KRT23: variants seen among roughly 807,000 people sequenced by gnomAD.
KRT23 encodes keratin, type I cytoskeletal 23.
In KRT23, 38 loss-of-function variants were observed where a neutral mutation model predicts 47.6. The observed-to-expected ratio is 0.80, with a 90% CI of 0.62 to 1.05. The LOEUF (loss-of-function observed/expected upper bound fraction) is 1.05, where lower values mean the gene tolerates loss of function less well. Ranked by LOEUF, KRT23 falls within the 50% of genes least tolerant of loss-of-function variation. The pLI is 0.00. For missense variants in KRT23, 503 were observed against 529.5 expected (o/e 0.95, Z 0.49); for synonymous variants, 191 against 199.0 (o/e 0.96, Z 0.34).
At chr17:40,928,203 G>T in intron 6 of KRT23, 35 bp downstream of exon 6, 1 of 1,613,106 alleles carries the variant, frequency 6.2e-7, no homozygotes, top group Non-Finnish European at 8.5e-7. Flanking sequence ...GAAGGAGGTG[G>T]TGTGGGATTC....
rs66994824 is a variant in KRT23, at chr17:40,937,039, C to A, written c.-350-86G>T. 56,700 of 157,210 alleles carry A rather than the reference C, an allele frequency of 0.36. 10,271 individuals are homozygous for A. Among genetic ancestry groups the A allele is most frequent in the East Asian group, 0.47 (2,601 of 5,548 alleles). 9.7% of individuals were successfully genotyped at this position (157,210 alleles called of 1,614,324 possible). A position where few individuals can be genotyped will look rare whatever the true frequency, so the allele number is the denominator to read the frequency against. On this transcript the variant is annotated intron_variant, in intron 1 of 8. Transcript: ENST00000209718. ...CCTTAAAAAAAACCAAAAACCAAAA[C>A]CAAAACAAAACAACAACAACAGCAA...
At chr17:40,931,165 C>T (rs1406082026) in intron 3 of KRT23, among the ~76,000 whole-genome samples, 4 of 152,026 alleles carry the variant, frequency 2.6e-5, no homozygotes, top group Non-Finnish European at 5.9e-5. Flanking sequence ...GCGTGTGCCA[C>T]CATGCCCAGC....
rs1340525552 is a variant in KRT23 at position 40,924,521 on chromosome 17, G to A, written c.1143-18C>T. The A allele has an allele frequency of 6.2e-7, 1 of 1,608,718 alleles. No homozygotes were observed. Among genetic ancestry groups the A allele is most frequent in the African/African-American group, 1.3e-5 (1 of 74,920 alleles). On this transcript the variant is annotated intron_variant, in intron 7 of 8. Coordinates refer to ENST00000209718, the MANE Select transcript of KRT23 (RefSeq NM_015515.5). ...CCCGTGTCCTATAAAAGTGATAAAGGTTAAAGCTCACTTTAGTATTAGCAA... is the reference window on the plus strand; with the variant it reads ...CCCGTGTCCTATAAAAGTGATAAAGATTAAAGCTCACTTTAGTATTAGCAA...
At chr17:40,928,418 T>G (rs1340977561) in intron 5 of KRT23, 28 bp downstream of exon 5, 1 of 1,614,020 alleles carries the variant, frequency 6.2e-7, no homozygotes, top group Non-Finnish European at 8.5e-7. Flanking sequence ...AATGCAACCT[T>G]TGGGAAGTTT....
At chr17:40,935,013 C>T (rs1909957362) in intron 2 of KRT23, among the ~76,000 whole-genome samples, 1 of 151,652 alleles carries the variant, frequency 6.6e-6, no homozygotes, top group South Asian at 2.1e-4. Context: ...CATGGTCTCC[C>T]TTTGCTCTCC....
chr17:40,931,252 C>T (rs1204195421), intron 3 of KRT23, 121 bp downstream of exon 3: 24 of 674,174 alleles, frequency 3.6e-5, no homozygotes, highest in Middle Eastern at 2.6e-4. Context: ...CCTCGTGATC[C>T]GCCCGCCTTG....
chr17:40,925,270 CT>C, intron 7 of KRT23, 83 bp downstream of exon 7: 1 of 1,186,594 alleles, frequency 8.4e-7, no homozygotes, highest in Non-Finnish European at 1.3e-6. Flanking sequence ...GTGACTCTTG[CT>C]AACAGAACCC....
At chr17:40,923,186 C>A (rs1037571174) in intron 8 of KRT23, 103 bp from the exon 9 acceptor site, 5 of 822,784 alleles carry the variant, frequency 6.1e-6, no homozygotes, top group Non-Finnish European at 1.0e-5. Flanking sequence ...GCTCTCAGTG[C>A]CTTCCAAATG....
chr17:40,931,718 G>A (rs1009828943), intron 2 of KRT23, among the ~76,000 whole-genome samples: 8 of 152,144 alleles, frequency 5.3e-5, no homozygotes, highest in African/African-American at 1.9e-4. Flanking sequence ...AGTTTTGACA[G>A]GCTTGGATTG....
At chr17:40,935,507 G>T (rs1373593557) in intron 2 of KRT23, among the ~76,000 whole-genome samples, 2 of 151,974 alleles carry the variant, frequency 1.3e-5, no homozygotes, top group African/African-American at 2.4e-5. Context: ...GGTTTTTTTT[G>T]AACAAGGTCT....
rs754517007 is a variant in KRT23, at chr17:40,925,322, G to A, written c.1142+32C>T. 14 of 1,569,720 alleles carry A rather than the reference G, an allele frequency of 8.9e-6. No homozygotes were observed. The East Asian group carries it at 1.1e-4, about 13-fold the overall frequency. ...TACCCACAGGAGCTGGAGGTCCCTC[G>A]CATGCTCCTCTCGTGCCAGCCTTTG... On this transcript the variant is annotated intron_variant, in intron 7 of 8. Coordinates refer to ENST00000209718, the MANE Select transcript of KRT23 (RefSeq NM_015515.5).
At chr17:40,934,138 G>A (rs1909885953) in intron 2 of KRT23, among the ~76,000 whole-genome samples, 1 of 152,112 alleles carries the variant, frequency 6.6e-6, no homozygotes, top group African/African-American at 2.4e-5. Context: ...TGAGGGTACG[G>A]GAGAACTGTA....
At chr17:40,928,947 A>G (rs1909432084) in intron 4 of KRT23, among the ~76,000 whole-genome samples, 1 of 148,176 alleles carries the variant, frequency 6.7e-6, no homozygotes, top group Non-Finnish European at 1.5e-5. Context: ...GAATCGCTTG[A>G]ACCTGCGAGG....
intron 6 of KRT23, among the ~76,000 whole-genome samples, chr17:40,926,989 G>A (rs1174069376): frequency 6.6e-6 from 1 of 151,716 alleles, no homozygotes. Flanking sequence ...AGACACACTT[G>A]TGCCTTGTCG....
chr17:40,930,322 A>T (rs1177834466), intron 3 of KRT23, among the ~76,000 whole-genome samples: 1 of 152,206 alleles, frequency 6.6e-6, no homozygotes, highest in Non-Finnish European at 1.5e-5. Flanking sequence ...ATAAACAGTC[A>T]TATACCCATT....
intron 4 of KRT23, 111 bp downstream of exon 4, chr17:40,929,829 G>A (rs1909520243): frequency 2.3e-6 from 2 of 876,122 alleles, no homozygotes; most frequent in Admixed American, 2.4e-5. Flanking sequence ...TTAGGGTGAA[G>A]GACAAGGGGA....
chr17:40,928,134 G>C (rs1909346617), intron 6 of KRT23, 104 bp downstream of exon 6: 1 of 1,401,198 alleles, frequency 7.1e-7, no homozygotes, highest in Non-Finnish European at 9.9e-7. Flanking sequence ...TGGAAAGTGA[G>C]AGTTGTCCCA....
At chr17:40,930,952 C>T (rs1401670926) in intron 3 of KRT23, among the ~76,000 whole-genome samples, 1 of 148,880 alleles carries the variant, frequency 6.7e-6, no homozygotes, top group East Asian at 2.0e-4. Flanking sequence ...AGTGCATTTG[C>T]CGTTGCTATG....
In KRT23 at chr17:40,931,362, A is replaced by T; in HGVS notation, c.479+11T>A. On this transcript the variant is annotated intron_variant, in intron 3 of 8. Transcript: ENST00000209718. Reference sequence around the variant, plus strand: ...CAAAAACCCGAACAACCCTGTGAAGAAGGAACTTACTTGAGGTTGAAGTCA... The same window carrying T: ...CAAAAACCCGAACAACCCTGTGAAGTAGGAACTTACTTGAGGTTGAAGTCA... 1 of 1,596,224 alleles carries T rather than the reference A, an allele frequency of 6.3e-7. No individual in the cohort carries two copies. Among genetic ancestry groups the T allele is most frequent in the African/African-American group, 1.3e-5 (1 of 74,718 alleles).
Sources: gnomAD v4.1 joint callset for allele counts (sites outside exome capture counted in the v4.1 genomes callset) on GRCh38, gnomAD v4.1.1 for gene constraint, MANE v1.5 for transcripts, NCBI Gene and HGNC (gene_info 2026-07-23, HGNC 2026-07-21) for gene names.